ANKUB1: variants seen among roughly 807,000 people sequenced by gnomAD.
ANKUB1 encodes the protein protein ANKUB1.
In ANKUB1, 42 loss-of-function variants were observed where a neutral mutation model predicts 49.3. The observed-to-expected ratio is 0.85, with a 90% CI of 0.67 to 1.10. The LOEUF (loss-of-function observed/expected upper bound fraction) is 1.10. Among genes scored for constraint, ANKUB1 ranks in the 50% least tolerant of loss-of-function variants. ANKUB1 has a pLI of 0.00. For missense variants in ANKUB1, 613 were observed against 642.0 expected, an observed-to-expected ratio of 0.95 and a Z score of 0.49; for synonymous variants, 222 against 231.0, an observed-to-expected ratio of 0.96 and a Z score of 0.35.
Position 149,761,479 on chromosome 3 carries a change from AC to A in ANKUB1, c.*4del, listed in dbSNP as rs1559859074. On this transcript the variant is annotated 3_prime_UTR_variant, in exon 6 of 6. Coordinates refer to ENST00000446160, the MANE Select transcript of ANKUB1 (RefSeq NM_001144960.3). The stretch of plus-strand genomic sequence containing the variant: ...CTTTGTCCAAACTGAAGTTGTCATG[AC>A]TTTTCAAAGCACAGTTTCTAGAGAG... The A allele has an allele frequency of 6.4e-7, 1 of 1,551,252 alleles. No individual in the cohort carries two copies. The highest frequency in any genetic ancestry group is 8.7e-7 in the Non-Finnish European group (1 of 1,146,644).
At position 149,767,348 on chromosome 3, in the gene ANKUB1, T is replaced by C; in HGVS notation, c.1314A>G (p.Glu438=). 6.5e-7 allele frequency: 1 copy of C among 1,549,918 alleles called. No individual in the cohort carries two copies. The highest frequency in any genetic ancestry group is 8.7e-7 in the Non-Finnish European group (1 of 1,146,628). The part of the protein sequence containing the change: ...KKITATARKK[E]KLIKNTYLPQ... ...GAAGATATGTGTTTTTTATGAGCTT[T>C]TCTTTTTTCCTAGCTGTGGCAGTAA... Residue 438 remains glutamate (E), a synonymous_variant, in exon 5 of 6, where the codon GAA becomes GAG. Transcript: ENST00000446160.
intron 2 of ANKUB1, among the ~76,000 whole-genome samples, chr3:149,787,691 A>G (rs1718170023): frequency 6.6e-6 from 1 of 152,146 alleles, no homozygotes. Flanking sequence ...AAATGTGTCT[A>G]TATTACCATT....
At chr3:149,764,971 G>C (rs940490034) in intron 5 of ANKUB1, among the ~76,000 whole-genome samples, 4 of 152,056 alleles carry the variant, frequency 2.6e-5, no homozygotes, top group African/African-American at 9.7e-5. Flanking sequence ...TTGGTATAGA[G>C]TCAAGAGAAG....
chr3:149,767,857 A>G lies in ANKUB1; in HGVS notation c.805T>C (p.Cys269Arg), dbSNP rs1323445626. 4 of 1,551,606 alleles carry G rather than the reference A, an allele frequency of 2.6e-6. No homozygotes were observed. The highest frequency in any genetic ancestry group is 2.0e-5 in the Admixed American group (1 of 50,982). ...GGAGTTTGTCCTGCTGCATTTTTGC[A>G]TTCCAGGCACAGCACACTGTAGTTG... ...FVNYSVLCLECKNAAGQTPLT... is the reference protein window; with the variant it reads ...FVNYSVLCLERKNAAGQTPLT... Residue 269 changes from cysteine to arginine, a missense_variant, in exon 5 of 6, where the codon TGC becomes CGC. Transcript: ENST00000446160.
chr3:149,780,746 T>G (rs1440770309), intron 2 of ANKUB1, among the ~76,000 whole-genome samples: 1 of 152,240 alleles, frequency 6.6e-6, no homozygotes, highest in Non-Finnish European at 1.5e-5. Context: ...ATATCCATCC[T>G]GTGCTTATGG....
intron 5 of ANKUB1, among the ~76,000 whole-genome samples, chr3:149,764,592 C>T (rs113766278): frequency 0.053 from 5,120 of 95,740 alleles, 18 homozygotes; most frequent in East Asian, 0.077. Context: ...CCCTCCCTCC[C>T]TTCCTTCCTC....
intron 3 of ANKUB1, among the ~76,000 whole-genome samples, chr3:149,777,391 G>A (rs1717647255): frequency 6.6e-6 from 1 of 152,086 alleles, no homozygotes; most frequent in African/African-American, 2.4e-5. Flanking sequence ...GGAATCGCTT[G>A]AACCTGGGAG....
chr3:149,768,739 C>T (rs547315770), intron 4 of ANKUB1, among the ~76,000 whole-genome samples: 3 of 152,150 alleles, frequency 2.0e-5, no homozygotes, highest in South Asian at 2.1e-4. Context: ...ACAGGAATTT[C>T]GCTACGTTGG....
In ANKUB1 at chr3:149,780,342, T is replaced by C; in HGVS notation, c.348A>G (p.Val116=). 6.4e-7 allele frequency: 1 copy of C among 1,551,968 alleles called. No individual in the cohort carries two copies. Among genetic ancestry groups the C allele is most frequent in the Non-Finnish European group, 8.7e-7 (1 of 1,147,026 alleles). ...DKTVSDLRTL[V]TLRCGLPVSV... ...TCACGGGGAGGCCACATCTCAGAGT[T>C]ACCAGTGTTCTCAGATCAGACACTG... Residue 116 remains valine, a synonymous_variant, in exon 3 of 6, where the codon GTA becomes GTG. Coordinates refer to ENST00000446160, the MANE Select transcript of ANKUB1 (RefSeq NM_001144960.3).
intron 2 of ANKUB1, among the ~76,000 whole-genome samples, chr3:149,790,296 G>GA (rs1456497174): frequency 6.6e-6 from 1 of 152,098 alleles, no homozygotes; most frequent in Non-Finnish European, 1.5e-5. Context: ...CTCTATAAAT[G>GA]AAAAAATATC....
intron 1 of ANKUB1, among the ~76,000 whole-genome samples, chr3:149,791,526 A>C (rs766202461): frequency 6.6e-6 from 1 of 152,188 alleles, no homozygotes; most frequent in Non-Finnish European, 1.5e-5. Context: ...GGTTAATAAA[A>C]CATAGAGGTT....
intron 2 of ANKUB1, 23 bp downstream of exon 2, chr3:149,790,758 G>A (rs576307509): frequency 4.2e-5 from 64 of 1,530,778 alleles, no homozygotes; most frequent in African/African-American, 2.5e-4. Flanking sequence ...TATCTTAGAC[G>A]AATATTATCC....
In ANKUB1 at chr3:149,792,474, C is replaced by T. The variant is rs140877344; in HGVS notation, c.-108G>A. The T allele has an allele frequency of 1.4e-4, 114 of 838,812 alleles. No homozygotes were observed. In the African/African-American group the frequency reaches 1.8e-3, roughly 13 times the overall value. 52.0% of individuals were successfully genotyped at this position (838,812 alleles called of 1,614,324 possible). On this transcript the variant is annotated 5_prime_UTR_variant, in exon 1 of 6. Transcript: ENST00000446160. ...TAAGGACAAAAATGATAGCCAGAGGCAGCTGTCACTGTCTAGCCTCAAAGG... is the reference window on the plus strand; with the variant it reads ...TAAGGACAAAAATGATAGCCAGAGGTAGCTGTCACTGTCTAGCCTCAAAGG...
chr3:149,789,636 T>TC (rs1241025700), intron 2 of ANKUB1, among the ~76,000 whole-genome samples: 2 of 151,208 alleles, frequency 1.3e-5, no homozygotes, highest in African/African-American at 2.4e-5. Flanking sequence ...TATTCTTTTT[T>TC]TTTTTTTTTC....
chr3:149,780,297 G>T lies in ANKUB1; in HGVS notation c.393C>A (p.Thr131=). The T allele has an allele frequency of 2.6e-6, 4 of 1,551,700 alleles. No homozygotes were observed. The highest frequency in any genetic ancestry group is 1.4e-5 in the African/African-American group (1 of 73,124). Reference sequence around the variant, plus strand: ...AATCATACATCTCCAGGCCCCTTGGGGTTCGGAGACAGTAGACACTCACGG... The same window carrying T: ...AATCATACATCTCCAGGCCCCTTGGTGTTCGGAGACAGTAGACACTCACGG... ...GLPVSVYCLR[T]PRGLEMYDCN... is the part of the protein sequence containing the mutation. The change falls in exon 3 of 6, where the codon ACC becomes ACA. Residue 131 remains threonine, a synonymous_variant. Coordinates refer to ENST00000446160, the MANE Select transcript of ANKUB1 (RefSeq NM_001144960.3).
chr3:149,772,096 C>G (rs1717392752), intron 3 of ANKUB1, among the ~76,000 whole-genome samples: 1 of 149,458 alleles, frequency 6.7e-6, no homozygotes, highest in Non-Finnish European at 1.5e-5. Context: ...ACAATCTTGG[C>G]TCACTGCAAC....
chr3:149,780,233 C>A lies in ANKUB1; in HGVS notation c.451+6G>T. On this transcript the variant is annotated splice_donor_region_variant and intron_variant, in intron 3 of 5. Coordinates refer to ENST00000446160, the MANE Select transcript of ANKUB1 (RefSeq NM_001144960.3). ...GGTAGCTGATATCAAATATACTGGG[C>A]AGTACCAATATCAGTCTGGTAGTCC... 1 of 1,550,792 alleles carries A rather than the reference C, an allele frequency of 6.4e-7. No individual in the cohort carries two copies. The highest frequency in any genetic ancestry group is 8.7e-7 in the Non-Finnish European group (1 of 1,146,206).
At chr3:149,788,954 T>C (rs554161008) in intron 2 of ANKUB1, among the ~76,000 whole-genome samples, 39 of 152,088 alleles carry the variant, frequency 2.6e-4, no homozygotes, top group African/African-American at 7.2e-4. Context: ...TTTGTATTTT[T>C]ATTGGAGATG....
At position 149,767,221 on chromosome 3, in the gene ANKUB1, A is replaced by G; in HGVS notation, c.1441T>C (p.Ser481Pro). Residue 481 changes from serine (S) to proline (P), a missense_variant, in exon 5 of 6, where the codon TCT (serine) becomes CCT (proline). Ser to Pro is a moderately conservative substitution (Grantham distance 74). Transcript: ENST00000446160. ...ADFLLKSSFS[S>P]FLEHSGKTPW... ...GTCTTCCCACTGTGCTCTAAGAAAG[A>G]TGAGAAGGAGGACTTCAGTAAAAAG... 1 of 1,550,570 alleles carries G rather than the reference A, an allele frequency of 6.4e-7. No homozygotes were observed. Among genetic ancestry groups the G allele is most frequent in the Non-Finnish European group, 8.7e-7 (1 of 1,146,720 alleles).
Sources: allele counts gnomAD v4.1 joint callset (sites outside exome capture counted in the v4.1 genomes callset), GRCh38; gene constraint gnomAD v4.1.1; transcripts MANE v1.5; gene names NCBI Gene and HGNC (gene_info 2026-07-23, HGNC 2026-07-21).